The following BLACAT1 variants were observed in gnomAD, a reference collection of about 807,000 sequenced individuals.
BLACAT1 encodes BLACAT1 overlapping LEMD1 locus.
chr1:205,447,070 C>A (rs537019243), intron 1 of BLACAT1, among the ~76,000 whole-genome samples: 1 of 152,342 alleles, frequency 6.6e-6, no homozygotes, highest in East Asian at 1.9e-4. Context: ...GTACAGCACT[C>A]CCTGGTTTTC....
intron 1 of BLACAT1, among the ~76,000 whole-genome samples, chr1:205,446,882 C>T (rs550229055): frequency 3.6e-4 from 55 of 152,328 alleles, no homozygotes; most frequent in African/African-American, 1.3e-3. Flanking sequence ...CCAGCAAAAA[C>T]CCAGCTGGCT....
In BLACAT1 at chr1:205,450,472, C is replaced by T. The variant is rs1188229925; in HGVS notation, c.-37+5445G>A. 6.6e-6 allele frequency among the ~76,000 whole-genome samples: 1 copy of T among 151,234 alleles called. No individual in the cohort carries two copies. The highest frequency in any genetic ancestry group is 1.5e-5 in the Non-Finnish European group (1 of 67,712). On this transcript the variant is annotated intron_variant, in intron 1 of 1. Coordinates refer to ENST00000629624, the Ensembl canonical transcript of BLACAT1. This position sits in a 1 kb window ranked among gnomAD's most constrained non-coding sequence, Gnocchi z 4.4. Reference sequence around the variant, plus strand: ...TGGCCCCCCTCCCCTTCTCCGCAGCCCTGGTTCCTCTCCTCACCCATACCC... The same window carrying T: ...TGGCCCCCCTCCCCTTCTCCGCAGCTCTGGTTCCTCTCCTCACCCATACCC...
intron 1 of BLACAT1, among the ~76,000 whole-genome samples, chr1:205,443,645 C>A (rs77319115): frequency 0.031 from 4,774 of 152,268 alleles, 114 homozygotes; most frequent in South Asian, 0.082. Flanking sequence ...GGTTATTCTG[C>A]TCAGATCTTT....
intron 1 of BLACAT1, among the ~76,000 whole-genome samples, chr1:205,447,053 C>G (rs773085766): frequency 6.6e-6 from 1 of 152,242 alleles, no homozygotes; most frequent in Admixed American, 6.5e-5. Context: ...AACAACCTCC[C>G]GTCTGGGTAC....
intron 1 of BLACAT1, among the ~76,000 whole-genome samples, chr1:205,442,981 T>C (rs1320920955): frequency 6.6e-6 from 1 of 152,106 alleles, no homozygotes; most frequent in Non-Finnish European, 1.5e-5. Context: ...TACCAGGAGA[T>C]TAGGCAAGAT....
At chr1:205,445,452 C>T (rs1666372182) in intron 1 of BLACAT1, among the ~76,000 whole-genome samples, 1 of 152,252 alleles carries the variant, frequency 6.6e-6, no homozygotes, top group Non-Finnish European at 1.5e-5. Flanking sequence ...TGAGCCTGAG[C>T]TCTAGCCTCT....
At chr1:205,451,030 C>A (rs938064979) in intron 1 of BLACAT1, among the ~76,000 whole-genome samples, 2 of 152,172 alleles carry the variant, frequency 1.3e-5, no homozygotes, top group African/African-American at 2.4e-5. Flanking sequence ...AACCTTTCTG[C>A]AGCTTGCTGG....
chr1:205,454,872 A>C (rs758242933), intron 1 of BLACAT1, among the ~76,000 whole-genome samples: 1 of 152,186 alleles, frequency 6.6e-6, no homozygotes, highest in Non-Finnish European at 1.5e-5. Flanking sequence ...TGTAAAAAAA[A>C]AAAAATCGTC....
downstream of BLACAT1, chr1:205,436,033 T>TA (rs1017860526): frequency 5.3e-5 from 8 of 152,212 alleles, no homozygotes; most frequent in East Asian, 1.9e-4. Context: ...AACAACGGGA[T>TA]AAAAATAGCA....
At chr1:205,455,981 C>T (rs2102483739) in exon 1 of BLACAT1, 1 of 152,500 alleles carries the variant, frequency 6.6e-6, no homozygotes, top group African/African-American at 2.4e-5. Flanking sequence ...CTCTTTCTCT[C>T]TCTCTCCCCC....
chr1:205,446,824 C>T (rs530072057), intron 1 of BLACAT1, among the ~76,000 whole-genome samples: 1 of 152,316 alleles, frequency 6.6e-6, no homozygotes, highest in African/African-American at 2.4e-5. Flanking sequence ...TGCCTTGTTC[C>T]TTTCACCATC....
At chr1:205,436,908 A>G (rs1666218560), downstream of BLACAT1, 1 of 152,248 alleles carries the variant, frequency 6.6e-6, no homozygotes, top group African/African-American at 2.4e-5. Context: ...TGCCCTTTAT[A>G]ATGCGTGCCT....
intron 1 of BLACAT1, among the ~76,000 whole-genome samples, chr1:205,454,527 AGT>A (rs746207549): frequency 9.4e-4 from 140 of 148,366 alleles, no homozygotes; most frequent in East Asian, 2.2e-3. Context: ...ATCTGGTGTG[AGT>A]GTGTGTGTGT....
downstream of BLACAT1, chr1:205,436,195 C>T (rs897277247): frequency 1.3e-5 from 2 of 152,170 alleles, no homozygotes; most frequent in Non-Finnish European, 2.9e-5. Flanking sequence ...AGAGACAGAC[C>T]AGCAGCCCAC....
chr1:205,444,997 C>G (rs1666359154), intron 1 of BLACAT1, among the ~76,000 whole-genome samples: 3 of 152,042 alleles, frequency 2.0e-5, no homozygotes, highest in Admixed American at 1.3e-4. Flanking sequence ...TCCCCGGCTC[C>G]CTTAGCACCG....
intron 1 of BLACAT1, among the ~76,000 whole-genome samples, chr1:205,447,326 G>A (rs1284589303): frequency 2.0e-5 from 3 of 152,184 alleles, no homozygotes; most frequent in Non-Finnish European, 2.9e-5. Context: ...TAGAATCATG[G>A]GGTACATAGT....
At position 205,450,452 on chromosome 1, in the gene BLACAT1, C is replaced by T. The variant is rs76961493; in HGVS notation, c.-37+5465G>A. Among the ~76,000 whole-genome samples, 7,247 of 151,148 alleles carry T rather than the reference C, an allele frequency of 0.048. 241 individuals are homozygous for T. The highest frequency in any genetic ancestry group is 0.068 in the Non-Finnish European group (4,629 of 67,672). Reference sequence around the variant, plus strand: ...GCAGGCCCCCCTCTCCTGCCTGGCCCCCCTCCCCTTCTCCGCAGCCCTGGT... The same window carrying T: ...GCAGGCCCCCCTCTCCTGCCTGGCCTCCCTCCCCTTCTCCGCAGCCCTGGT... On this transcript the variant is annotated intron_variant, in intron 1 of 1. Coordinates refer to ENST00000629624, the Ensembl canonical transcript of BLACAT1. This position sits in a 1 kb window ranked among gnomAD's most constrained non-coding sequence, Gnocchi z 4.4.
intron 1 of BLACAT1, among the ~76,000 whole-genome samples, chr1:205,443,749 G>A (rs1303244847): frequency 6.6e-6 from 1 of 152,244 alleles, no homozygotes; most frequent in African/African-American, 2.4e-5. Context: ...CCCGGAGGCT[G>A]CCTGGGCTCT....
intron 1 of BLACAT1, among the ~76,000 whole-genome samples, chr1:205,444,244 C>A (rs1279276814): frequency 2.0e-5 from 3 of 152,090 alleles, no homozygotes; most frequent in Non-Finnish European, 2.9e-5. Flanking sequence ...ACTGGACAAA[C>A]CTCCTGCTAC....
Sources: allele counts gnomAD v4.1 joint callset (sites outside exome capture counted in the v4.1 genomes callset), GRCh38; gene constraint gnomAD v4.1.1; non-coding constraint Gnocchi (gnomAD v3.1); transcripts MANE v1.5; gene names NCBI Gene and HGNC (gene_info 2026-07-23, HGNC 2026-07-21).